Variants in STRN3 observed in about 807,000 individuals in gnomAD.
STRN3 encodes striatin-3.
A neutral mutation model predicts 95.6 loss-of-function variants in STRN3; 29 were observed. That is an observed-to-expected ratio of 0.30 (90% confidence interval 0.23 to 0.41). STRN3 has a LOEUF of 0.41. Ranked by LOEUF, STRN3 falls within the 10% of genes least tolerant of loss-of-function variation. The pLI is 1.00. For missense variants in STRN3, 890 were observed against 972.1 expected, an observed-to-expected ratio of 0.92 and a Z score of 1.12; for synonymous variants, 331 against 357.6, an observed-to-expected ratio of 0.93 and a Z score of 0.84.
chr14:30,953,641 A>AT (rs1397020006), intron 3 of STRN3, among the ~76,000 whole-genome samples: 2 of 152,084 alleles, frequency 1.3e-5, no homozygotes, highest in African/African-American at 4.8e-5. Flanking sequence ...GTATATAAAT[A>AT]TTTTTTGAGA....
Position 30,895,713 on chromosome 14 carries a change from C to T in STRN3, c.2173G>A (p.Ala725Thr). ...MIHSMVAHLD[A>T]VTSLAVDPNG... ...GGATCTACTGCTAGACTTGTAACAG[C>T]ATCCAAGTGAGCTACCATAGAATGG... The change falls in exon 17 of 18, where the codon GCT (alanine) becomes ACT (threonine). Residue 725 changes from alanine (A) to threonine (T), a missense_variant. By Grantham distance (58) the Ala-to-Thr change is moderately conservative. Coordinates refer to ENST00000357479, the MANE Select transcript of STRN3 (RefSeq NM_001083893.2). 1.2e-6 allele frequency: 2 copies of T among 1,613,874 alleles called. No homozygotes were observed. Among genetic ancestry groups the T allele is most frequent in the Non-Finnish European group, 1.7e-6 (2 of 1,179,954 alleles).
chr14:30,979,825 C>A (rs1437030240), intron 1 of STRN3, among the ~76,000 whole-genome samples: 1 of 151,522 alleles, frequency 6.6e-6, no homozygotes, highest in African/African-American at 2.4e-5. Flanking sequence ...GTCTTGAACT[C>A]CTGACCTCAG....
chr14:30,914,531 T>A (rs553968159), intron 9 of STRN3, among the ~76,000 whole-genome samples: 1 of 152,236 alleles, frequency 6.6e-6, no homozygotes, highest in Non-Finnish European at 1.5e-5. Flanking sequence ...TTTTCTGTTT[T>A]TAGTAGAGAT....
rs1304618573 is a variant in STRN3, at chr14:31,008,102, A to C, written c.282+17802T>G. 3.4e-5 allele frequency among the ~76,000 whole-genome samples: 5 copies of C among 148,796 alleles called. No individual in the cohort carries two copies. The East Asian group carries it at 1.0e-3, about 30-fold the overall frequency. On this transcript the variant is annotated intron_variant, in intron 1 of 17. Coordinates refer to ENST00000357479, the MANE Select transcript of STRN3 (RefSeq NM_001083893.2). ...GCTACTCGGGAGGCTGAGGCAGGAG[A>C]ATCACTTGAACCCAGGAGGTGGGGG...
intron 1 of STRN3, among the ~76,000 whole-genome samples, chr14:31,004,246 T>C (rs1312518186): frequency 6.6e-6 from 1 of 151,336 alleles, no homozygotes; most frequent in Non-Finnish European, 1.5e-5. Flanking sequence ...ATGATCACAC[T>C]GCCACACTCC....
intron 8 of STRN3, 134 bp from the exon 9 acceptor site, chr14:30,919,240 T>C (rs55956948): frequency 0.097 from 91,557 of 947,642 alleles, 5,228 homozygotes; most frequent in South Asian, 0.16. Flanking sequence ...AAATTAAAGA[T>C]GTCTTCCATT....
At position 30,965,747 on chromosome 14, in the gene STRN3, G is replaced by A. The variant is rs149211736; in HGVS notation, c.283-9505C>T. Among the ~76,000 whole-genome samples, 386 of 119,416 alleles carry A rather than the reference G, an allele frequency of 3.2e-3. 3 individuals are homozygous for A. The highest frequency in any genetic ancestry group is 0.011 in the African/African-American group (363 of 31,612). 78.3% of individuals were successfully genotyped at this position (119,416 alleles called of 152,430 possible). A position where few individuals can be genotyped will look rare whatever the true frequency, so the allele number is the denominator to read the frequency against. Reference sequence around the variant, plus strand: ...GAGAATCGCTTGTACCAGCCTGGGTGACAAAAGTGAAACTCCATCTCAAAA... The same window carrying A: ...GAGAATCGCTTGTACCAGCCTGGGTAACAAAAGTGAAACTCCATCTCAAAA... On this transcript the variant is annotated intron_variant, in intron 1 of 17. Coordinates refer to ENST00000357479, the MANE Select transcript of STRN3 (RefSeq NM_001083893.2).
At chr14:30,916,431 C>T (rs182646997) in intron 9 of STRN3, among the ~76,000 whole-genome samples, 117 of 151,950 alleles carry the variant, frequency 7.7e-4, no homozygotes, top group Non-Finnish European at 1.4e-3. Flanking sequence ...CCCGCCACCA[C>T]GCCCAGCTAA....
At chr14:30,906,752 C>T (rs1896471222) in intron 14 of STRN3, 125 bp downstream of exon 14, 2 of 1,102,476 alleles carry the variant, frequency 1.8e-6, no homozygotes. Context: ...TTTATCCTAA[C>T]TTTTACAAAA....
intron 1 of STRN3, among the ~76,000 whole-genome samples, chr14:30,960,881 A>AAAG: frequency 6.6e-6 from 1 of 151,222 alleles, no homozygotes; most frequent in East Asian, 1.9e-4. Context: ...AAAAAAAAAA[A>AAAG]AAAAAAAAAT....
Position 30,918,993 on chromosome 14 carries a change from C to G in STRN3, c.1213G>C (p.Asp405His). Residue 405 changes from aspartate to histidine, a missense_variant, in exon 9 of 18, where the codon GAT becomes CAT. Around this residue, in one of 3 missense-constraint regions of STRN3, gnomAD observed 526 missense variants for 526.3 expected, o/e 1.00. Coordinates refer to ENST00000357479, the MANE Select transcript of STRN3 (RefSeq NM_001083893.2). ...QSRSASTRMT[D>H]HEGARAEEAE... ...TCCTCTGCTCTTGCACCTTCATGAT[C>G]AGTCATTCTAGTAGAGGCTGACCTA... The G allele has an allele frequency of 6.3e-7, 1 of 1,596,790 alleles. No homozygotes were observed. Among genetic ancestry groups the G allele is most frequent in the Non-Finnish European group, 8.5e-7 (1 of 1,170,508 alleles).
At chr14:30,904,239 AG>A (rs1273339434) in intron 15 of STRN3, among the ~76,000 whole-genome samples, 1 of 152,210 alleles carries the variant, frequency 6.6e-6, no homozygotes, top group African/African-American at 2.4e-5. Flanking sequence ...ATGTCATATC[AG>A]GAAGCTATCA....
intron 9 of STRN3, among the ~76,000 whole-genome samples, chr14:30,915,651 A>C (rs1055271176): frequency 2.8e-4 from 42 of 152,324 alleles, no homozygotes; most frequent in African/African-American, 1.0e-3. Flanking sequence ...TATTTACTCA[A>C]AGCATTTTTC....
At chr14:30,902,842 A>G (rs894053305) in intron 15 of STRN3, among the ~76,000 whole-genome samples, 199 bp from the exon 16 acceptor site, 1 of 152,208 alleles carries the variant, frequency 6.6e-6, no homozygotes, top group African/African-American at 2.4e-5. Flanking sequence ...CCTATAATAT[A>G]GACTGTACTA....
At chr14:30,932,543 T>C (rs1878593813) in intron 7 of STRN3, 1 of 152,184 alleles carries the variant, frequency 6.6e-6, no homozygotes, top group Non-Finnish European at 1.5e-5. Context: ...TAAAATGTTT[T>C]AAAGATAATA....
In STRN3 at chr14:30,901,308, T is replaced by A. The variant is rs543819024; in HGVS notation, c.2137+1228A>T. On this transcript the variant is annotated intron_variant, in intron 16 of 17. Transcript: ENST00000357479. ...AAAAAAAAAATTTAAATATTTTTTT[T>A]AAAAAGAACATCCACTTGAATCTTA... Among the ~76,000 whole-genome samples the A allele has an allele frequency of 9.2e-3, 1,398 of 151,986 alleles. 21 individuals are homozygous for A. The highest frequency in any genetic ancestry group is 0.031 in the African/African-American group (1,269 of 41,458).
intron 7 of STRN3, among the ~76,000 whole-genome samples, chr14:30,929,966 A>AAAAAAAAAAAAAACAAAAAAAAAAAAC (rs1244297489): frequency 9.2e-6 from 1 of 108,282 alleles, no homozygotes; most frequent in Non-Finnish European, 1.8e-5. Flanking sequence ...AAAAAAAAAA[A>AAAAAAAAAAAAAACAAAAAAAAAAAAC]AAAAAAAAAA....
chr14:30,984,463 T>C (rs1881579998), intron 1 of STRN3, among the ~76,000 whole-genome samples: 2 of 151,826 alleles, frequency 1.3e-5, no homozygotes, highest in South Asian at 2.1e-4. Flanking sequence ...TTTAAATATC[T>C]AGGGAAAAAA....
At chr14:30,967,267 G>C (rs1467531381) in intron 1 of STRN3, among the ~76,000 whole-genome samples, 1 of 144,436 alleles carries the variant, frequency 6.9e-6, no homozygotes, top group African/African-American at 2.6e-5. Context: ...CAGAGAGAGG[G>C]GGGAAGAGAG....
Sources: gnomAD v4.1 joint callset for allele counts (sites outside exome capture counted in the v4.1 genomes callset) on GRCh38, gnomAD v4.1.1 for gene constraint, gnomAD v4.1.1 regional missense constraint, MANE v1.5 for transcripts, NCBI Gene and HGNC (gene_info 2026-07-23, HGNC 2026-07-21) for gene names.